The following CDH13 variants were observed in gnomAD, a reference collection of about 807,000 sequenced individuals.
The protein encoded by CDH13 is cadherin 13, also known as cadherin-13.
CDH13 carries 24 observed loss-of-function variants against 63.8 expected under a neutral mutation model. The ratio of observed to expected loss-of-function variants is 0.38; its 90% CI spans 0.27 to 0.53. CDH13 has a LOEUF of 0.53. Among genes scored for constraint, CDH13 ranks in the 20% least tolerant of loss-of-function variants. CDH13 has a pLI of 0.85. For missense variants in CDH13, 1,049 were observed against 903.1 expected (o/e 1.16, Z -2.07); for synonymous variants, 503 against 355.3 (o/e 1.42, Z -4.67).
chr16:82,636,373 C>T (rs1236260506), intron 1 of CDH13, among the ~76,000 whole-genome samples: 2 of 151,640 alleles, frequency 1.3e-5, no homozygotes, highest in Non-Finnish European at 2.9e-5. Flanking sequence ...AGATCCAGTC[C>T]ATGCCTGCAT....
At chr16:83,463,520 G>T (rs1463496301) in intron 6 of CDH13, among the ~76,000 whole-genome samples, 1 of 152,140 alleles carries the variant, frequency 6.6e-6, no homozygotes, top group Non-Finnish European at 1.5e-5. Flanking sequence ...TGGCATGCAG[G>T]CCAGGTGCAA....
chr16:82,770,776 C>G (rs1177907688), intron 1 of CDH13, among the ~76,000 whole-genome samples: 5 of 152,098 alleles, frequency 3.3e-5, no homozygotes, highest in Admixed American at 1.3e-4. Flanking sequence ...GGCGTGATCT[C>G]GGCTCACTGC....
chr16:82,696,804 C>T (rs1018119113), intron 1 of CDH13, among the ~76,000 whole-genome samples: 1 of 152,132 alleles, frequency 6.6e-6, no homozygotes, highest in Admixed American at 6.5e-5. Flanking sequence ...CAATGAGGTA[C>T]TTGTAGTTCA....
intron 2 of CDH13, among the ~76,000 whole-genome samples, chr16:82,967,013 T>G (rs1482846591): frequency 2.6e-5 from 4 of 152,208 alleles, no homozygotes; most frequent in Admixed American, 2.6e-4. Context: ...GCCTCAGATC[T>G]CATGTCTCTT....
chr16:83,706,791 C>G (rs1014283197), intron 10 of CDH13, among the ~76,000 whole-genome samples: 15 of 152,308 alleles, frequency 9.8e-5, no homozygotes, highest in African/African-American at 1.9e-4. Context: ...ATCTAGGTTC[C>G]TGGGATGAAT....
intron 8 of CDH13, among the ~76,000 whole-genome samples, chr16:83,611,937 G>T (rs1019963220): frequency 2.0e-5 from 3 of 152,048 alleles, no homozygotes; most frequent in Non-Finnish European, 4.4e-5. Context: ...AAGCTCACAT[G>T]TAATCAATTT....
At chr16:83,315,123 A>T (rs556150717) in intron 5 of CDH13, among the ~76,000 whole-genome samples, 1 of 152,234 alleles carries the variant, frequency 6.6e-6, no homozygotes, top group African/African-American at 2.4e-5. Context: ...AACCAGCACA[A>T]TAGTAGCCTG....
intron 1 of CDH13, among the ~76,000 whole-genome samples, chr16:82,834,548 A>ACCCACAGCCCACAG (rs200512363): frequency 0.032 from 4,874 of 152,054 alleles, 212 homozygotes; most frequent in African/African-American, 0.1. Flanking sequence ...CTTTGCAGCC[A>ACCCACAGCCCACAG]CCCACAGCCC....
At chr16:83,328,927 C>T (rs944860948) in intron 5 of CDH13, among the ~76,000 whole-genome samples, 1 of 152,210 alleles carries the variant, frequency 6.6e-6, no homozygotes, top group African/African-American at 2.4e-5. Flanking sequence ...ATTTGTGCTG[C>T]TCATTTCCAT....
intron 1 of CDH13, among the ~76,000 whole-genome samples, chr16:82,647,954 C>T (rs1322774546): frequency 4.6e-5 from 7 of 152,098 alleles, no homozygotes; most frequent in East Asian, 1.9e-4. Context: ...TTCCCTGTGC[C>T]GTTTTCATGG....
chr16:83,460,946 C>CTCCAG (rs2073161086), intron 6 of CDH13, among the ~76,000 whole-genome samples: 2 of 150,828 alleles, frequency 1.3e-5, no homozygotes, highest in Non-Finnish European at 2.9e-5. Flanking sequence ...CTCCACTGCA[C>CTCCAG]TCCAGCCTGG....
At chr16:83,537,788 G>T (rs2075222765) in intron 7 of CDH13, among the ~76,000 whole-genome samples, 1 of 152,100 alleles carries the variant, frequency 6.6e-6, no homozygotes, top group Non-Finnish European at 1.5e-5. Flanking sequence ...TTGTACTCTG[G>T]AATTATATCT....
chr16:83,128,837 T>A (rs887101810), intron 4 of CDH13, among the ~76,000 whole-genome samples: 1 of 152,228 alleles, frequency 6.6e-6, no homozygotes, highest in Non-Finnish European at 1.5e-5. Flanking sequence ...TAGCCCCTTA[T>A]GTGTTGCCCA....
chr16:83,437,993 C>T (rs8054503), intron 6 of CDH13, among the ~76,000 whole-genome samples: 146,779 of 152,182 alleles, frequency 0.96, 71,004 homozygotes, highest in East Asian at 1. Context: ...TGTGCATGCT[C>T]CTATCCTCTC....
intron 8 of CDH13, among the ~76,000 whole-genome samples, chr16:83,668,207 C>A (rs1914178328): frequency 6.6e-6 from 1 of 152,170 alleles, no homozygotes; most frequent in African/African-American, 2.4e-5. Context: ...CTCACCTCTG[C>A]TGCCAGATCC....
chr16:83,764,831 C>T (rs1277494202), intron 11 of CDH13, among the ~76,000 whole-genome samples: 2 of 152,210 alleles, frequency 1.3e-5, no homozygotes, highest in East Asian at 3.9e-4. Context: ...CTCGCAATGG[C>T]CTCCATGACA....
Position 82,685,035 on chromosome 16 carries a change from A to G in CDH13, c.45+57898A>G, listed in dbSNP as rs148802814. Among the ~76,000 whole-genome samples, 1,229 of 151,578 alleles carry G rather than the reference A, an allele frequency of 8.1e-3. 18 individuals are homozygous for G. The highest frequency in any genetic ancestry group is 0.028 in the African/African-American group (1,161 of 41,372). ...GAGACAGTGTTTGCTGTGGAGCAAC[A>G]TGTGTGTCTGGCCGGTAAACCTGCA... On this transcript the variant is annotated intron_variant, in intron 1 of 13. Coordinates refer to ENST00000567109, the MANE Select transcript of CDH13 (RefSeq NM_001257.5).
intron 2 of CDH13, among the ~76,000 whole-genome samples, chr16:82,978,406 T>A (rs1909812295): frequency 6.6e-6 from 1 of 151,922 alleles, no homozygotes; most frequent in African/African-American, 2.4e-5. Context: ...ATGTCAGGGG[T>A]CTTCATGGCA....
intron 6 of CDH13, among the ~76,000 whole-genome samples, chr16:83,404,697 C>T (rs1325677809): frequency 6.6e-6 from 1 of 152,116 alleles, no homozygotes; most frequent in African/African-American, 2.4e-5. Flanking sequence ...TCCTCGGTAC[C>T]CTTCCCCAGA....
Sources: allele counts gnomAD v4.1 joint callset (sites outside exome capture counted in the v4.1 genomes callset), GRCh38; gene constraint gnomAD v4.1.1; transcripts MANE v1.5; gene names NCBI Gene and HGNC (gene_info 2026-07-23, HGNC 2026-07-21).